The following SOBP variants were observed in gnomAD, a reference collection of about 807,000 sequenced individuals.
SOBP encodes sine oculis binding protein homolog.
In SOBP, 4 loss-of-function variants were observed where a neutral mutation model predicts 53.6. The observed-to-expected ratio is 0.07, with a 90% CI of 0.04 to 0.17. The LOEUF (loss-of-function observed/expected upper bound fraction) is 0.17. Among genes scored for constraint, SOBP ranks in the 10% least tolerant of loss-of-function variants. The probability of loss-of-function intolerance (pLI) is 1.00; values close to 1 mark genes in which losing one functional copy is unlikely to be tolerated. For synonymous variants in SOBP, 584 were observed against 522.6 expected, an observed-to-expected ratio of 1.12 and a Z score of -1.60; for missense variants, 1,088 against 1,204.7, an observed-to-expected ratio of 0.90 and a Z score of 1.43.
At chr6:107,569,965 A>T (rs1174682899) in intron 4 of SOBP, among the ~76,000 whole-genome samples, 1 of 152,080 alleles carries the variant, frequency 6.6e-6, no homozygotes, top group Admixed American at 6.5e-5. Context: ...TTCTCCCTCA[A>T]CTGGGGCCCA....
chr6:107,647,998 A>G (rs1404585014), intron 6 of SOBP, among the ~76,000 whole-genome samples: 1 of 152,196 alleles, frequency 6.6e-6, no homozygotes, highest in Non-Finnish European at 1.5e-5. Context: ...TGGCATTTGT[A>G]CTAATATGAA....
intron 5 of SOBP, among the ~76,000 whole-genome samples, chr6:107,606,263 G>A (rs1197920303): frequency 6.6e-6 from 1 of 151,798 alleles, no homozygotes; most frequent in East Asian, 1.9e-4. Context: ...TTTTAGTAGA[G>A]ACAGGGTTTC....
At chr6:107,607,089 G>A (rs113815661) in intron 5 of SOBP, among the ~76,000 whole-genome samples, 5 of 152,194 alleles carry the variant, frequency 3.3e-5, no homozygotes, top group African/African-American at 1.2e-4. Flanking sequence ...CGTGCTCTGG[G>A]TGATGTTATT....
chr6:107,641,617 A>G (rs1428823230), intron 6 of SOBP, among the ~76,000 whole-genome samples: 1 of 152,152 alleles, frequency 6.6e-6, no homozygotes, highest in Non-Finnish European at 1.5e-5. Context: ...GCACTTGGAA[A>G]GAGACGCGTT....
At chr6:107,557,881 G>A (rs1343164509) in intron 4 of SOBP, 1 of 152,150 alleles carries the variant, frequency 6.6e-6, no homozygotes, top group Non-Finnish European at 1.5e-5. Flanking sequence ...ATTCTACCAA[G>A]GAGGATGAGC....
At chr6:107,527,654 C>G (rs768196030) in intron 3 of SOBP, among the ~76,000 whole-genome samples, 1 of 152,216 alleles carries the variant, frequency 6.6e-6, no homozygotes, top group Non-Finnish European at 1.5e-5. Context: ...GATCGACTTA[C>G]TCTTGTCACA....
At chr6:107,604,776 C>T (rs969830687) in intron 5 of SOBP, among the ~76,000 whole-genome samples, 1 of 152,164 alleles carries the variant, frequency 6.6e-6, no homozygotes, top group South Asian at 2.1e-4. Context: ...CCCAGACCTG[C>T]AAATTGTGTC....
intron 5 of SOBP, among the ~76,000 whole-genome samples, chr6:107,630,592 G>C (rs1183457499): frequency 6.6e-6 from 1 of 152,124 alleles, no homozygotes; most frequent in Non-Finnish European, 1.5e-5. Context: ...TAAATGATGA[G>C]TCCTGTAAGA....
intron 3 of SOBP, among the ~76,000 whole-genome samples, chr6:107,518,069 A>G (rs1783372455): frequency 6.6e-6 from 1 of 152,212 alleles, no homozygotes; most frequent in African/African-American, 2.4e-5. Flanking sequence ...AAAGCAAATC[A>G]CTGAGTACCA....
intron 3 of SOBP, among the ~76,000 whole-genome samples, chr6:107,512,252 T>C (rs1020516701): frequency 6.6e-6 from 1 of 152,210 alleles, no homozygotes; most frequent in African/African-American, 2.4e-5. Context: ...TTTTGAAAGA[T>C]AGGTTAATTA....
chr6:107,535,160 G>A (rs758909221), intron 4 of SOBP, among the ~76,000 whole-genome samples: 2 of 152,134 alleles, frequency 1.3e-5, no homozygotes, highest in Non-Finnish European at 2.9e-5. Flanking sequence ...CACAATCCTG[G>A]TGATACATGT....
intron 3 of SOBP, among the ~76,000 whole-genome samples, chr6:107,531,041 C>T (rs1783808991): frequency 6.6e-6 from 1 of 152,250 alleles, no homozygotes; most frequent in African/African-American, 2.4e-5. Context: ...ATCATTCCTT[C>T]AGGCCAGGTC....
At chr6:107,521,732 T>C (rs1783493476) in intron 3 of SOBP, among the ~76,000 whole-genome samples, 2 of 152,280 alleles carry the variant, frequency 1.3e-5, no homozygotes, top group South Asian at 2.1e-4. Flanking sequence ...GATAGAATTA[T>C]TGCCTTGGCT....
At chr6:107,524,587 A>G (rs1646027484) in intron 3 of SOBP, among the ~76,000 whole-genome samples, 1 of 152,204 alleles carries the variant, frequency 6.6e-6, no homozygotes, top group African/African-American at 2.4e-5. Flanking sequence ...AGTAACAGAC[A>G]CCATGGGACT....
At chr6:107,564,218 G>C (rs1226162286) in intron 4 of SOBP, among the ~76,000 whole-genome samples, 1 of 152,040 alleles carries the variant, frequency 6.6e-6, no homozygotes, top group Non-Finnish European at 1.5e-5. Flanking sequence ...ATGTAATCTG[G>C]CCCTTCTATT....
intron 4 of SOBP, among the ~76,000 whole-genome samples, chr6:107,573,197 G>A (rs1785126205): frequency 6.6e-6 from 1 of 152,172 alleles, no homozygotes; most frequent in African/African-American, 2.4e-5. Flanking sequence ...GTGTGTTTGT[G>A]CATTTCTAAA....
chr6:107,631,063 A>C (rs1297903705), intron 5 of SOBP, among the ~76,000 whole-genome samples: 1 of 152,098 alleles, frequency 6.6e-6, no homozygotes, highest in Non-Finnish European at 1.5e-5. Context: ...AGAACATATA[A>C]ATTATATTTA....
chr6:107,566,620 G>A (rs542450255), intron 4 of SOBP, among the ~76,000 whole-genome samples: 4 of 152,214 alleles, frequency 2.6e-5, no homozygotes, highest in East Asian at 1.9e-4. Context: ...TGTTTTTCTC[G>A]CCATCGACCA....
chr6:107,565,092 G>A (rs1562618578), intron 4 of SOBP, among the ~76,000 whole-genome samples: 1 of 152,204 alleles, frequency 6.6e-6, no homozygotes, highest in South Asian at 2.1e-4. Flanking sequence ...GGTTTGGAGT[G>A]TATGGCTACA....
Sources: gnomAD v4.1 joint callset for allele counts (sites outside exome capture counted in the v4.1 genomes callset) on GRCh38, gnomAD v4.1.1 for gene constraint, MANE v1.5 for transcripts, NCBI Gene and HGNC (gene_info 2026-07-23, HGNC 2026-07-21) for gene names.